Variants in GPR35 observed in about 807,000 individuals in gnomAD.
GPR35 encodes G protein-coupled receptor 35, also known as KYNA receptor.
For missense variants in GPR35, 372 were observed against 422.5 expected (o/e 0.88, Z 1.05); for synonymous variants, 207 against 198.4 (o/e 1.04, Z -0.36).
At chr2:240,619,417 G>A (rs965741931) in intron 5 of GPR35, among the ~76,000 whole-genome samples, 1 of 152,230 alleles carries the variant, frequency 6.6e-6, no homozygotes, top group Admixed American at 6.5e-5. Context: ...AAGTGTCTCT[G>A]AAGGCTGGTG....
rs2043453514 is a variant in GPR35 at position 240,631,985 on chromosome 2, G to A, written c.*1103G>A. On this transcript the variant is annotated 3_prime_UTR_variant, in exon 2 of 2. Coordinates refer to ENST00000407714, the MANE Select transcript of GPR35 (RefSeq NM_005301.5). ...TCTCACAGGACCCAGGCTCCGGAGG[G>A]CCCATGCCCAGGAGAGCCCCATAAG... Among the ~76,000 whole-genome samples the A allele has an allele frequency of 7.2e-6, 1 of 139,714 alleles. No individual in the cohort carries two copies. Among genetic ancestry groups the A allele is most frequent in the Non-Finnish European group, 1.6e-5 (1 of 61,744 alleles). 91.7% of individuals were successfully genotyped at this position (139,714 alleles called of 152,430 possible).
In GPR35 at chr2:240,616,305, C is replaced by T. The variant is rs373795529; in HGVS notation, c.-576-83C>T. ...CAGCAGTGGCTCCACAGGATGCATA[C>T]GAGGTCCCCGCGGTCCCGGCCGACA... On this transcript the variant is annotated intron_variant, in intron 2 of 5. Coordinates refer to the GPR35 transcript ENST00000319838. 157 of 673,902 alleles carry T rather than the reference C, an allele frequency of 2.3e-4. No homozygotes were observed. In the East Asian group the frequency reaches 2.6e-3, roughly 11 times the overall value. The allele number at this position is 673,902 out of a possible 1,614,324, so 41.7% of individuals were successfully genotyped here. A position where few individuals can be genotyped will look rare whatever the true frequency, so the allele number is the denominator to read the frequency against.
intron 2 of GPR35, among the ~76,000 whole-genome samples, chr2:240,614,377 T>C (rs1317424292): frequency 1.3e-5 from 2 of 152,172 alleles, no homozygotes; most frequent in African/African-American, 2.4e-5. Flanking sequence ...TCCAAACAAC[T>C]CTTCAGCCAA....
At chr2:240,625,411 G>A (rs960648357), upstream of GPR35, 26 of 985,386 alleles carry the variant, frequency 2.6e-5, no homozygotes, top group African/African-American at 1.4e-4. Context: ...TCAGTCAGCC[G>A]CCCGCCCCCC....
chr2:240,606,158 A>G (rs1252576910), intron 1 of GPR35, among the ~76,000 whole-genome samples: 1 of 152,120 alleles, frequency 6.6e-6, no homozygotes, highest in Non-Finnish European at 1.5e-5. Context: ...TGGGACCACA[A>G]CACTCACTCA....
chr2:240,612,359 G>A (rs899878707), intron 2 of GPR35, among the ~76,000 whole-genome samples: 6 of 150,688 alleles, frequency 4.0e-5, no homozygotes, highest in South Asian at 2.1e-4. Context: ...CCCGGGAGGC[G>A]GAGCTTGAAG....
chr2:240,614,603 C>T (rs2043221188), intron 2 of GPR35, among the ~76,000 whole-genome samples: 2 of 152,250 alleles, frequency 1.3e-5, no homozygotes, highest in African/African-American at 2.4e-5. Context: ...TCCCGGTTCT[C>T]CCCTTGCCCA....
exon 4 of GPR35, chr2:240,617,192 C>T: frequency 1.4e-6 from 1 of 712,722 alleles, no homozygotes; most frequent in South Asian, 1.5e-5. Flanking sequence ...AGACCTGAAA[C>T]TCTACCAACA....
intron 2 of GPR35, among the ~76,000 whole-genome samples, chr2:240,611,982 G>C (rs1202367710): frequency 6.6e-6 from 1 of 152,128 alleles, no homozygotes; most frequent in African/African-American, 2.4e-5. Flanking sequence ...AGCAAAACAA[G>C]GAAGCGTGTG....
At chr2:240,612,477 G>GGCT (rs1365118491) in intron 2 of GPR35, among the ~76,000 whole-genome samples, 5 of 151,174 alleles carry the variant, frequency 3.3e-5, no homozygotes, top group African/African-American at 1.2e-4. Context: ...CTTGGCCAAA[G>GGCT]GCTGCTGGTG....
chr2:240,614,744 C>T (rs773957933), intron 2 of GPR35, among the ~76,000 whole-genome samples: 5 of 152,180 alleles, frequency 3.3e-5, no homozygotes, highest in South Asian at 2.1e-4. Flanking sequence ...CGGGCTTATG[C>T]GGGCTGACAG....
At chr2:240,625,859 GT>G (rs560595533) in intron 1 of GPR35, among the ~76,000 whole-genome samples, 197 of 106,658 alleles carry the variant, frequency 1.8e-3, no homozygotes, top group Middle Eastern at 4.5e-3. Context: ...GCTGTGATGG[GT>G]GTCTCAGAGT....
At chr2:240,615,435 G>A (rs934192022) in intron 2 of GPR35, among the ~76,000 whole-genome samples, 6 of 152,212 alleles carry the variant, frequency 3.9e-5, no homozygotes, top group East Asian at 3.8e-4. Flanking sequence ...ACACTCCCAC[G>A]TTTTCTACAG....
At chr2:240,628,917 AG>A (rs2043407015) in intron 1 of GPR35, 1 of 152,146 alleles carries the variant, frequency 6.6e-6, no homozygotes, top group Admixed American at 6.5e-5. Context: ...GGCGCTCACC[AG>A]CAGCTCCGTC....
chr2:240,621,516 G>A (rs576241238), upstream of GPR35, among the ~76,000 whole-genome samples: 1 of 152,220 alleles, frequency 6.6e-6, no homozygotes, highest in Admixed American at 6.5e-5. Flanking sequence ...GCCTCTCAAA[G>A]TGCTGGGATT....
intron 3 of GPR35, chr2:240,616,835 C>T (rs1340605905): frequency 3.3e-5 from 23 of 701,560 alleles, no homozygotes; most frequent in Non-Finnish European, 4.5e-5. Flanking sequence ...TACTCTCTCT[C>T]GCTGGCTCTG....
At chr2:240,625,604 G>A (rs1359972809) in intron 1 of GPR35, 36 bp downstream of exon 1, 7 of 939,818 alleles carry the variant, frequency 7.4e-6, no homozygotes, top group Admixed American at 6.6e-5. Context: ...GCCTCCCAGC[G>A]GGGCAGGGGC....
exon 3 of GPR35, chr2:240,616,507 T>C (rs1370036039): frequency 1.3e-6 from 1 of 779,764 alleles, no homozygotes. Flanking sequence ...CTTCACCAGA[T>C]TCAGGTGAGA....
chr2:240,623,310 C>CGCAAACAGGTCATGAGGGT (rs2043321181), upstream of GPR35, among the ~76,000 whole-genome samples: 4 of 95,698 alleles, frequency 4.2e-5, no homozygotes, highest in Non-Finnish European at 6.6e-5. Context: ...GTCATGAGGG[C>CGCAAACAGGTCATGAGGGT]GCAAACAGGT....
Sources: allele counts gnomAD v4.1 joint callset (sites outside exome capture counted in the v4.1 genomes callset), GRCh38; gene constraint gnomAD v4.1.1; transcripts MANE v1.5; gene names NCBI Gene and HGNC (gene_info 2026-07-23, HGNC 2026-07-21).